Variants in AUTS2 observed in about 807,000 individuals in gnomAD.
AUTS2 encodes the protein autism susceptibility gene 2 protein.
In AUTS2, 17 loss-of-function variants were observed where a neutral mutation model predicts 112.4. That is an observed-to-expected ratio of 0.15 (90% CI 0.10 to 0.23). AUTS2 has a LOEUF of 0.23. Ranked by LOEUF, AUTS2 falls within the 10% of genes least tolerant of loss-of-function variation. The pLI, the probability that AUTS2 is intolerant of heterozygous loss-of-function variation, is 1.00. For missense variants in AUTS2, 1,510 were observed against 1,701.6 expected, an observed-to-expected ratio of 0.89 and a Z score of 1.98; for synonymous variants, 751 against 702.7, an observed-to-expected ratio of 1.07 and a Z score of -1.09.
At chr7:70,341,301 A>G (rs1208359494) in intron 4 of AUTS2, among the ~76,000 whole-genome samples, 2 of 152,226 alleles carry the variant, frequency 1.3e-5, no homozygotes, top group East Asian at 3.9e-4. Context: ...AAAAGGCACA[A>G]AGGCACTGAG....
chr7:70,163,360 A>AGGGGGGGGGGGGGGGGG (rs1562753323), intron 4 of AUTS2, among the ~76,000 whole-genome samples: 3 of 2,466 alleles, frequency 1.2e-3, no homozygotes, highest in Non-Finnish European at 2.2e-3. Context: ...GGGGGGGGGC[A>AGGGGGGGGGGGGGGGGG]GAGGGGGAGG....
intron 6 of AUTS2, among the ~76,000 whole-genome samples, chr7:70,756,387 G>A (rs1045301629): frequency 6.6e-6 from 1 of 152,104 alleles, no homozygotes; most frequent in Non-Finnish European, 1.5e-5. Flanking sequence ...TAGAAGTGTA[G>A]GAGTTCATCA....
At chr7:70,569,559 C>T (rs552996322) in intron 5 of AUTS2, among the ~76,000 whole-genome samples, 34 of 152,348 alleles carry the variant, frequency 2.2e-4, no homozygotes, top group Admixed American at 1.8e-3. Context: ...CCTAGTTCAG[C>T]ACAGTCAGTT....
intron 4 of AUTS2, among the ~76,000 whole-genome samples, chr7:70,142,749 G>C (rs906740997): frequency 9.2e-5 from 14 of 152,112 alleles, no homozygotes; most frequent in Admixed American, 8.5e-4. Flanking sequence ...GGAATGGACA[G>C]GTCATTGCCA....
intron 1 of AUTS2, among the ~76,000 whole-genome samples, chr7:69,682,867 C>G (rs1796864220): frequency 6.6e-6 from 1 of 152,176 alleles, no homozygotes; most frequent in Non-Finnish European, 1.5e-5. Context: ...GGGAGGATCA[C>G]TTGATCCCAA....
chr7:70,162,445 C>CAA lies in AUTS2; in HGVS notation c.660+27908_660+27909dup, dbSNP rs57688959. Among the ~76,000 whole-genome samples the CAA allele has an allele frequency of 2.8e-3, 159 of 56,702 alleles. 5 individuals carry two copies. Among genetic ancestry groups the CAA allele is most frequent in the Non-Finnish European group, 3.3e-3 (112 of 33,640 alleles). The allele number at this position is 56,702 out of a possible 152,430, so 37.2% of individuals were successfully genotyped here. A position where few individuals can be genotyped will look rare whatever the true frequency, so the allele number is the denominator to read the frequency against. Reference sequence around the variant, plus strand: ...TGGGCGACAGAGCGAGACTCCGTCTCAAAAAAAAAAAAAAAAAAAAAAAAA... The same window carrying CAA: ...TGGGCGACAGAGCGAGACTCCGTCTCAAAAAAAAAAAAAAAAAAAAAAAAAAA... On this transcript the variant is annotated intron_variant, in intron 4 of 18. Coordinates refer to ENST00000342771, the MANE Select transcript of AUTS2 (RefSeq NM_015570.4).
At chr7:70,083,466 T>C (rs1156559675) in intron 2 of AUTS2, among the ~76,000 whole-genome samples, 2 of 152,234 alleles carry the variant, frequency 1.3e-5, no homozygotes, top group Non-Finnish European at 2.9e-5. Context: ...TTTAGTTGTA[T>C]GCACACACAC....
At chr7:69,820,671 G>A (rs1223107591) in intron 1 of AUTS2, among the ~76,000 whole-genome samples, 1 of 152,194 alleles carries the variant, frequency 6.6e-6, no homozygotes, top group Non-Finnish European at 1.5e-5. Flanking sequence ...GGAAGAGCAG[G>A]GATCATCAAG....
chr7:69,845,944 A>T (rs989397443), intron 1 of AUTS2, among the ~76,000 whole-genome samples: 5 of 152,196 alleles, frequency 3.3e-5, no homozygotes, highest in African/African-American at 1.2e-4. Flanking sequence ...TTGAGGTAAC[A>T]ATAATGATAC....
At chr7:70,271,848 G>A (rs140701585) in intron 4 of AUTS2, among the ~76,000 whole-genome samples, 6 of 152,236 alleles carry the variant, frequency 3.9e-5, no homozygotes, top group East Asian at 1.9e-4. Context: ...AATATCTGCC[G>A]CATATTGTTA....
In AUTS2 at chr7:70,032,499, T is replaced by C. The variant is rs141554993; in HGVS notation, c.523-85633T>C. Among the ~76,000 whole-genome samples the C allele has an allele frequency of 8.5e-5, 13 of 152,170 alleles. No individual in the cohort carries two copies. In the East Asian group the frequency reaches 2.5e-3, roughly 29 times the overall value. ...TTTAATTAGACTGATGAACCTGAAT[T>C]TGAATTTTATACCCAAACCTATGAT... On this transcript the variant is annotated intron_variant, in intron 2 of 18. Coordinates refer to ENST00000342771, the MANE Select transcript of AUTS2 (RefSeq NM_015570.4).
In AUTS2 at chr7:70,253,894, A is replaced by G. The variant is rs530447745; in HGVS notation, c.660+119323A>G. On this transcript the variant is annotated intron_variant, in intron 4 of 18. Coordinates refer to ENST00000342771, the MANE Select transcript of AUTS2 (RefSeq NM_015570.4). The stretch of plus-strand genomic sequence containing the variant: ...GTGTATAGCTCTGTTGGGATCTTCT[A>G]CTAGATGTCTTACCTGGGGTGGGGG... Among the ~76,000 whole-genome samples the G allele has an allele frequency of 2.0e-5, 3 of 152,214 alleles. No homozygotes were observed. In the South Asian group the frequency reaches 6.2e-4, roughly 32 times the overall value.
chr7:69,847,944 G>A (rs1792284789), intron 1 of AUTS2, among the ~76,000 whole-genome samples: 1 of 152,176 alleles, frequency 6.6e-6, no homozygotes, highest in African/African-American at 2.4e-5. Flanking sequence ...TTTCCTCTAA[G>A]GTCATTCCTC....
intron 2 of AUTS2, among the ~76,000 whole-genome samples, chr7:69,966,872 T>A (rs1797653762): frequency 6.6e-6 from 1 of 152,178 alleles, no homozygotes; most frequent in Non-Finnish European, 1.5e-5. Context: ...TTTACGTTTC[T>A]GAAAAGAAAT....
intron 2 of AUTS2, among the ~76,000 whole-genome samples, chr7:69,920,520 A>T (rs1795767657): frequency 6.6e-6 from 1 of 152,126 alleles, no homozygotes. Context: ...TCCTGAGCTC[A>T]GAGAATCTAC....
At chr7:70,710,140 A>G (rs772853015) in intron 6 of AUTS2, among the ~76,000 whole-genome samples, 2 of 151,498 alleles carry the variant, frequency 1.3e-5, no homozygotes, top group Non-Finnish European at 1.5e-5. Flanking sequence ...CACTGTATAT[A>G]TAAGTACTTA....
At chr7:70,062,378 T>C (rs962365776) in intron 2 of AUTS2, among the ~76,000 whole-genome samples, 1 of 151,824 alleles carries the variant, frequency 6.6e-6, no homozygotes, top group Non-Finnish European at 1.5e-5. Flanking sequence ...CTGGACATCG[T>C]GGCACACGCC....
At chr7:70,433,258 G>A (rs947209645) in intron 4 of AUTS2, among the ~76,000 whole-genome samples, 4 of 152,106 alleles carry the variant, frequency 2.6e-5, no homozygotes, top group Non-Finnish European at 4.4e-5. Context: ...CCCACTCCTC[G>A]TCCTCCCTGC....
chr7:70,476,181 T>A (rs1797574794), intron 5 of AUTS2, among the ~76,000 whole-genome samples: 1 of 152,214 alleles, frequency 6.6e-6, no homozygotes, highest in Non-Finnish European at 1.5e-5. Context: ...ATAACAACTC[T>A]ACAAAGTAGA....
Sources: gnomAD v4.1 joint callset for allele counts (sites outside exome capture counted in the v4.1 genomes callset) on GRCh38, gnomAD v4.1.1 for gene constraint, MANE v1.5 for transcripts, NCBI Gene and HGNC (gene_info 2026-07-23, HGNC 2026-07-21) for gene names.